PAX3: variants seen among roughly 807,000 people sequenced by gnomAD.
PAX3 encodes paired box protein Pax-3.
In PAX3, 14 loss-of-function variants were observed where a neutral mutation model predicts 51.6. The ratio of observed to expected loss-of-function variants is 0.27; its 90% CI spans 0.18 to 0.42. The LOEUF (loss-of-function observed/expected upper bound fraction) is 0.42, where lower values mean the gene tolerates loss of function less well. Among genes scored for constraint, PAX3 ranks in the 10% least tolerant of loss-of-function variants. The pLI is 1.00. For synonymous variants in PAX3, 280 were observed against 253.4 expected (o/e 1.11, Z -1.00); for missense variants, 540 against 642.8 (o/e 0.84, Z 1.73).
intron 4 of PAX3, among the ~76,000 whole-genome samples, chr2:222,291,611 C>T (rs919621571): frequency 2.0e-5 from 3 of 152,148 alleles, no homozygotes; most frequent in African/African-American, 7.2e-5. Flanking sequence ...CCCTGAAAAG[C>T]CAGGCTCAGC....
intron 7 of PAX3, among the ~76,000 whole-genome samples, chr2:222,212,805 A>T (rs929199947): frequency 6.6e-6 from 1 of 152,238 alleles, no homozygotes; most frequent in Non-Finnish European, 1.5e-5. Context: ...AAAGCTTTAC[A>T]TCGCATTCCA....
At chr2:222,270,973 A>G (rs1694231654) in intron 4 of PAX3, among the ~76,000 whole-genome samples, 3 of 152,226 alleles carry the variant, frequency 2.0e-5, no homozygotes, top group Non-Finnish European at 1.5e-5. Flanking sequence ...AGGCAAATCA[A>G]TCAGCTACCA....
intron 4 of PAX3, among the ~76,000 whole-genome samples, chr2:222,279,304 C>CATGTGT (rs139532428): frequency 7.0e-4 from 104 of 148,136 alleles, no homozygotes; most frequent in African/African-American, 2.4e-3. Context: ...CAAGCCTGTG[C>CATGTGT]GTGTGTGTGT....
Position 222,217,375 on chromosome 2 carries a change from T to A in PAX3, c.1173+2765A>T, listed in dbSNP as rs140830171. On this transcript the variant is annotated intron_variant, in intron 7 of 8. Transcript: ENST00000392070. ...TATGACTAAAACCTCCTGCATCTGTTTTTTTATGAAACCTGTTTTCTCTTC... is the reference window on the plus strand; with the variant it reads ...TATGACTAAAACCTCCTGCATCTGTATTTTTATGAAACCTGTTTTCTCTTC... Among the ~76,000 whole-genome samples the A allele has an allele frequency of 2.3e-3, 352 of 152,260 alleles. No individual in the cohort carries two copies. The Middle Eastern group carries it at 0.031, about 13-fold the overall frequency.
chr2:222,221,078 T>A, intron 6 of PAX3, 144 bp downstream of exon 6: 3 of 805,454 alleles, frequency 3.7e-6, no homozygotes, highest in Middle Eastern at 3.4e-4. Flanking sequence ...GTTTCTGAAA[T>A]GTGATAGGTA....
chr2:222,295,495 C>G (rs775686312), intron 3 of PAX3, 33 bp downstream of exon 3: 11 of 1,613,446 alleles, frequency 6.8e-6, no homozygotes, highest in South Asian at 2.2e-5. Flanking sequence ...GACTGACTGT[C>G]GCGCCTCGGG....
At chr2:222,266,453 C>T (rs1011899522) in intron 4 of PAX3, among the ~76,000 whole-genome samples, 1 of 151,712 alleles carries the variant, frequency 6.6e-6, no homozygotes, top group Admixed American at 6.6e-5. Context: ...TGCAGAGTCA[C>T]TAGACCCACT....
At chr2:222,254,834 G>T (rs1010596195) in intron 4 of PAX3, among the ~76,000 whole-genome samples, 10 of 152,082 alleles carry the variant, frequency 6.6e-5, no homozygotes, top group Non-Finnish European at 1.5e-4. Flanking sequence ...CCAGGCTAGA[G>T]TGCAGTGGCA....
At chr2:222,232,751 A>G (rs966530264) in intron 4 of PAX3, among the ~76,000 whole-genome samples, 2 of 152,212 alleles carry the variant, frequency 1.3e-5, no homozygotes, top group Non-Finnish European at 2.9e-5. Context: ...ACCAACATTT[A>G]CATTATGAAA....
At chr2:222,245,744 T>C (rs1235257901) in intron 4 of PAX3, among the ~76,000 whole-genome samples, 1 of 149,112 alleles carries the variant, frequency 6.7e-6, no homozygotes, top group Non-Finnish European at 1.5e-5. Context: ...CCAAGGCAAG[T>C]GGATCACCTG....
chr2:222,202,683 T>C (rs2106035178), intron 7 of PAX3, among the ~76,000 whole-genome samples: 1 of 151,818 alleles, frequency 6.6e-6, no homozygotes, highest in Admixed American at 6.6e-5. Flanking sequence ...TACTTTGAGA[T>C]CTCTGTGCCT....
In PAX3 at chr2:222,220,284, C is replaced by A. The variant is rs747502205; in HGVS notation, c.1029G>T (p.Thr343=). The change falls in exon 7 of 9, where the codon ACG becomes ACT. Residue 343 remains threonine (T), a synonymous_variant. Transcript: ENST00000392070. ...PLPPSTVHQS[T]IPSNPDSSSA... is the part of the protein sequence containing the mutation. ...AGCTGCTGTCTGGGTTGGAAGGAAT[C>A]GTGCTTTGGTGTACAGTGCTTGGAG... 2 of 1,613,906 alleles carry A rather than the reference C, an allele frequency of 1.2e-6. No individual in the cohort carries two copies. The highest frequency in any genetic ancestry group is 1.3e-5 in the African/African-American group (1 of 74,906).
Position 222,201,063 on chromosome 2 carries a change from G to A in PAX3, c.*345C>T, listed in dbSNP as rs557499898. 3.2e-5 allele frequency: 37 copies of A among 1,157,924 alleles called. No homozygotes were observed. Among genetic ancestry groups the A allele is most frequent in the South Asian group, 9.3e-5 (7 of 75,226 alleles). The allele number at this position is 1,157,924 out of a possible 1,614,324, so 71.7% of individuals were successfully genotyped here. Reference sequence around the variant, plus strand: ...CACACACACACACACACGCACGCACGCACACAAGCAAATGGAATGTTCTAG... The same window carrying A: ...CACACACACACACACACGCACGCACACACACAAGCAAATGGAATGTTCTAG... On this transcript the variant is annotated 3_prime_UTR_variant, in exon 9 of 9. Transcript: ENST00000392070.
chr2:222,271,278 G>A (rs377643594), intron 4 of PAX3, among the ~76,000 whole-genome samples: 188 of 152,268 alleles, frequency 1.2e-3, no homozygotes, highest in African/African-American at 4.3e-3. Flanking sequence ...ATGTCCTATG[G>A]ATTCTTTACC....
At chr2:222,256,867 A>G (rs541861037) in intron 4 of PAX3, among the ~76,000 whole-genome samples, 1 of 152,312 alleles carries the variant, frequency 6.6e-6, no homozygotes, top group African/African-American at 2.4e-5. Context: ...TACCTCTAAA[A>G]AGACAGATAG....
At chr2:222,206,430 T>C (rs2106042802) in intron 7 of PAX3, among the ~76,000 whole-genome samples, 1 of 152,278 alleles carries the variant, frequency 6.6e-6, no homozygotes, top group Admixed American at 6.5e-5. Flanking sequence ...TCTAAATTGT[T>C]ACCTCCGAAA....
At chr2:222,208,115 T>A (rs1007721387) in intron 7 of PAX3, among the ~76,000 whole-genome samples, 1 of 151,914 alleles carries the variant, frequency 6.6e-6, no homozygotes, top group Admixed American at 6.6e-5. Flanking sequence ...TCCACCTAAA[T>A]GAAAAAGCAT....
chr2:222,259,990 T>G (rs1044917505), intron 4 of PAX3, among the ~76,000 whole-genome samples: 1 of 152,156 alleles, frequency 6.6e-6, no homozygotes, highest in Non-Finnish European at 1.5e-5. Context: ...TCAGTGATCC[T>G]CCAGAGTAGC....
chr2:222,285,915 T>A (rs1373947137), intron 4 of PAX3, among the ~76,000 whole-genome samples: 34 of 152,202 alleles, frequency 2.2e-4, no homozygotes, highest in Admixed American at 2.2e-3. Context: ...AAGTCTCCCA[T>A]CCCTGTCACA....
Sources: gnomAD v4.1 joint callset for allele counts (sites outside exome capture counted in the v4.1 genomes callset) on GRCh38, gnomAD v4.1.1 for gene constraint, MANE v1.5 for transcripts, NCBI Gene and HGNC (gene_info 2026-07-23, HGNC 2026-07-21) for gene names.